The following DLGAP3 variants were observed in gnomAD, a reference collection of about 807,000 sequenced individuals.
DLGAP3 encodes the protein DLG associated protein 3, also known as disks large-associated protein 3.
DLGAP3 carries 17 observed loss-of-function variants against 81.2 expected under a neutral mutation model. The observed-to-expected ratio is 0.21, with a 90% CI of 0.14 to 0.31. The LOEUF (loss-of-function observed/expected upper bound fraction) is 0.31, where lower values mean the gene tolerates loss of function less well. Ranked by LOEUF, DLGAP3 falls within the 10% of genes least tolerant of loss-of-function variation. The pLI is 1.00. For synonymous variants in DLGAP3, 577 were observed against 587.4 expected (o/e 0.98, Z 0.26); for missense variants, 1,124 against 1,388.0 (o/e 0.81, Z 3.02).
At chr1:34,896,049 CAA>C (rs1639376179) in intron 5 of DLGAP3, among the ~76,000 whole-genome samples, 1 of 151,744 alleles carries the variant, frequency 6.6e-6, no homozygotes, top group Admixed American at 6.6e-5. Flanking sequence ...TTGCATTAGA[CAA>C]AGATTTCTTA....
chr1:34,869,088 G>A lies in DLGAP3; in HGVS notation c.2002C>T (p.Arg668Ter). Residue 668 changes from arginine (R) to a stop codon, truncating the protein, a stop_gained and splice_region_variant, in exon 9 of 12, where the codon CGA becomes TGA. Coordinates refer to ENST00000373347, the MANE Select transcript of DLGAP3 (RefSeq NM_001080418.3). LOFTEE classifies it high-confidence loss of function. ...IGVQVEEDKRRARFKRSNSVT... is the reference protein window; with the variant it reads ...IGVQVEEDKR The stretch of plus-strand genomic sequence containing the variant: ...CTATTGGAGCGCTTGAACCTTGCTC[G>A]CCTGGGGAGAGGGGTGGCTGTCATC... 1.3e-6 allele frequency: 2 copies of A among 1,586,974 alleles called. No homozygotes were observed. Among genetic ancestry groups the A allele is most frequent in the Non-Finnish European group, 8.5e-7 (1 of 1,171,372 alleles).
At position 34,885,756 on chromosome 1, in the gene DLGAP3, G is replaced by C. The variant is rs776739964; in HGVS notation, c.1636C>G (p.Pro546Ala). 14 of 1,415,270 alleles carry C rather than the reference G, an allele frequency of 9.9e-6. No individual in the cohort carries two copies. Among genetic ancestry groups the C allele is most frequent in the Non-Finnish European group, 1.2e-5 (13 of 1,093,386 alleles). The allele number at this position is 1,415,270 out of a possible 1,614,324, so 87.7% of individuals were successfully genotyped here. Residue 546 changes from proline to alanine, a missense_variant, in exon 7 of 12, where the codon CCG (proline) becomes GCG (alanine). Around this residue, in one of 9 missense-constraint regions of DLGAP3, gnomAD observed 379 missense variants for 455.7 expected, o/e 0.83. Coordinates refer to ENST00000373347, the MANE Select transcript of DLGAP3 (RefSeq NM_001080418.3). ...NFRKAPPPIPPGSQAPPRISI... is the reference protein window; with the variant it reads ...NFRKAPPPIPAGSQAPPRISI... The stretch of plus-strand genomic sequence containing the variant: ...ATGCGGGGCGGGGCCTGGCTTCCCG[G>C]CGGGATGGGGGGCGGGGCCTTTCTG...
Position 34,868,925 on chromosome 1 carries a change from G to A in DLGAP3, c.2165C>T (p.Ala722Val), listed in dbSNP as rs1480951014. 18 of 1,608,862 alleles carry A rather than the reference G, an allele frequency of 1.1e-5. No homozygotes were observed. Among genetic ancestry groups the A allele is most frequent in the East Asian group, 4.5e-5 (2 of 44,852 alleles). ...CGTGCGGAAGACTGAGTAGGTGGGG[G>A]CCCGGGGCCCAGGCTGGGGCTCAGA... ...HASEPQPGPRAPTYSVFRTVH... is the reference protein window; with the variant it reads ...HASEPQPGPRVPTYSVFRTVH... Residue 722 changes from alanine to valine, a missense_variant, in exon 9 of 12, where the codon GCC becomes GTC. Coordinates refer to ENST00000373347, the MANE Select transcript of DLGAP3 (RefSeq NM_001080418.3). This position sits in a 1 kb window ranked among gnomAD's most constrained non-coding sequence, Gnocchi z 7.5.
At chr1:34,899,801 A>G (rs1350244721) in intron 4 of DLGAP3, 60 bp from the exon 5 acceptor site, 2 of 1,525,992 alleles carry the variant, frequency 1.3e-6, no homozygotes, top group Non-Finnish European at 1.8e-6. Flanking sequence ...GGGGGAGGGG[A>G]GATAATAGCA....
At chr1:34,878,205 G>A (rs1639087493) in intron 8 of DLGAP3, among the ~76,000 whole-genome samples, 1 of 152,148 alleles carries the variant, frequency 6.6e-6, no homozygotes, top group African/African-American at 2.4e-5. Flanking sequence ...TACCCAGGTA[G>A]CTGAGGCAGA....
intron 4 of DLGAP3, 105 bp from the exon 5 acceptor site, chr1:34,899,846 C>T (rs1434492954): frequency 8.8e-7 from 1 of 1,142,354 alleles, no homozygotes; most frequent in Non-Finnish European, 1.3e-6. Flanking sequence ...TCCTCAGAAC[C>T]CCCAAAGAGA....
intron 11 of DLGAP3, 120 bp downstream of exon 11, chr1:34,866,928 G>C: frequency 8.5e-7 from 1 of 1,175,352 alleles, no homozygotes; most frequent in Non-Finnish European, 1.3e-6. Flanking sequence ...CCTGTCCAAG[G>C]CTGCCCTTGC....
chr1:34,896,553 C>T (rs1269512265), intron 5 of DLGAP3, among the ~76,000 whole-genome samples: 1 of 150,376 alleles, frequency 6.6e-6, no homozygotes, highest in African/African-American at 2.4e-5. Context: ...CTAGCCACTG[C>T]ACTCTGGCCT....
Position 34,868,277 on chromosome 1 carries a change from G to A in DLGAP3, c.2485+328C>T, listed in dbSNP as rs1638917454. On this transcript the variant is annotated intron_variant, in intron 9 of 11. Coordinates refer to ENST00000373347, the MANE Select transcript of DLGAP3 (RefSeq NM_001080418.3). The surrounding 1 kb of genome is among the most constrained non-coding windows in gnomAD (Gnocchi z 7.5). Reference sequence around the variant, plus strand: ...CCACCTGGATCCCCACACCAGTCCAGATCTGAACGGAGTTCCCTTAGTCCC... The same window carrying A: ...CCACCTGGATCCCCACACCAGTCCAAATCTGAACGGAGTTCCCTTAGTCCC... 6.6e-6 allele frequency among the ~76,000 whole-genome samples: 1 copy of A among 152,196 alleles called. No homozygotes were observed. Among genetic ancestry groups the A allele is most frequent in the Admixed American group, 6.5e-5 (1 of 15,282 alleles).
At chr1:34,886,020 C>G in intron 6 of DLGAP3, 52 bp downstream of exon 6, 1 of 1,523,770 alleles carries the variant, frequency 6.6e-7, no homozygotes, top group Non-Finnish European at 8.9e-7. Flanking sequence ...GAACCCGGAC[C>G]CAGGGCGCTC....
At position 34,866,254 on chromosome 1, in the gene DLGAP3, GC is replaced by G; in HGVS notation, c.2768del (p.Gly923AlafsTer6). The G allele has an allele frequency of 6.4e-7, 1 of 1,560,598 alleles. No homozygotes were observed. On this transcript the variant is annotated frameshift_variant, in exon 12 of 12. Coordinates refer to ENST00000373347, the MANE Select transcript of DLGAP3 (RefSeq NM_001080418.3). LOFTEE classifies it high-confidence loss of function. Reference sequence around the variant, plus strand: ...AGCGCTCCTTCACCGGCACGCCCCGGCCCCGCAGGGGCTTCTTTGGTATCGG... The same window carrying G: ...AGCGCTCCTTCACCGGCACGCCCCGGCCCGCAGGGGCTTCTTTGGTATCGG... ...PPPIPKKPLR[G>X]RGVPVKERSL...
Position 34,905,028 on chromosome 1 carries a change from G to T in DLGAP3, c.356C>A (p.Pro119His). The change falls in exon 3 of 12, where the codon CCT (proline) becomes CAT (histidine). Residue 119 changes from proline (P) to histidine (H), a missense_variant. This residue lies in a region of DLGAP3 where 167 missense variants were observed against 172.1 expected (regional missense o/e 0.97). Transcript: ENST00000373347. ...CTTTTCAAACTGATCCAGGAGTGTAGGAGGCAGGCGGGGGGCACCCTTGCC... is the reference window on the plus strand; with the variant it reads ...CTTTTCAAACTGATCCAGGAGTGTATGAGGCAGGCGGGGGGCACCCTTGCC... ...PQGKGAPRLPPTLLDQFEKQL... is the reference protein window; with the variant it reads ...PQGKGAPRLPHTLLDQFEKQL... The T allele has an allele frequency of 6.2e-7, 1 of 1,607,708 alleles. No homozygotes were observed. Among genetic ancestry groups the T allele is most frequent in the East Asian group, 2.2e-5 (1 of 44,608 alleles).
chr1:34,883,730 C>A (rs554156237), intron 8 of DLGAP3, among the ~76,000 whole-genome samples: 1 of 150,756 alleles, frequency 6.6e-6, no homozygotes, highest in South Asian at 2.1e-4. Flanking sequence ...CAGGAGCACA[C>A]AGAACTTCAG....
chr1:34,923,059 C>T (rs1639819447), intron 1 of DLGAP3, among the ~76,000 whole-genome samples: 1 of 151,918 alleles, frequency 6.6e-6, no homozygotes, highest in Non-Finnish European at 1.5e-5. Context: ...AGTAGGTGTA[C>T]CTCTTCAAAC....
rs146381996 is a variant in DLGAP3, at chr1:34,923,444, G to A, written c.-135+6007C>T. 4.0e-3 allele frequency among the ~76,000 whole-genome samples: 604 copies of A among 152,262 alleles called. 1 individual carries two copies. The highest frequency in any genetic ancestry group is 6.7e-3 in the Non-Finnish European group (453 of 68,002). On this transcript the variant is annotated intron_variant, in intron 1 of 11. Coordinates refer to ENST00000373347, the MANE Select transcript of DLGAP3 (RefSeq NM_001080418.3). ...ATTTTGAAAGCAGAAGCTGGGAAGG[G>A]AGCAGGGAGGCAAGCTGCAGACACC... is the stretch of plus-strand genomic sequence containing the variant.
At chr1:34,897,273 TAAG>T (rs529172729) in intron 5 of DLGAP3, among the ~76,000 whole-genome samples, 28 of 152,054 alleles carry the variant, frequency 1.8e-4, no homozygotes, top group Admixed American at 7.9e-4. Flanking sequence ...TGCAAAGTGC[TAAG>T]AAGAAGGAGA....
At chr1:34,920,029 G>A (rs1422084850) in intron 1 of DLGAP3, among the ~76,000 whole-genome samples, 2 of 152,308 alleles carry the variant, frequency 1.3e-5, no homozygotes, top group East Asian at 3.9e-4. Context: ...CCAGGCATTA[G>A]AAGCTGCCTA....
intron 1 of DLGAP3, among the ~76,000 whole-genome samples, chr1:34,919,098 G>A (rs1218595809): frequency 6.6e-6 from 1 of 152,194 alleles, no homozygotes; most frequent in Non-Finnish European, 1.5e-5. Context: ...CAGCCCAGGT[G>A]GGAGGGGAGC....
chr1:34,900,014 G>A lies in DLGAP3; in HGVS notation c.1313+54C>T. 1 of 1,491,726 alleles carries A rather than the reference G, an allele frequency of 6.7e-7. No homozygotes were observed. The highest frequency in any genetic ancestry group is 9.2e-7 in the Non-Finnish European group (1 of 1,081,768). The allele number at this position is 1,491,726 out of a possible 1,614,324, so 92.4% of individuals were successfully genotyped here. A position where few individuals can be genotyped will look rare whatever the true frequency, so the allele number is the denominator to read the frequency against. On this transcript the variant is annotated intron_variant, in intron 4 of 11. Coordinates refer to ENST00000373347, the MANE Select transcript of DLGAP3 (RefSeq NM_001080418.3). This position sits in a 1 kb window ranked among gnomAD's most constrained non-coding sequence, Gnocchi z 5.6. ...ACCCACTCTACACACATCTCCCGCA[G>A]GAGTCCAGCATCAGCCTCCTGACCC...
Sources: gnomAD v4.1 joint callset for allele counts (sites outside exome capture counted in the v4.1 genomes callset) on GRCh38, gnomAD v4.1.1 for gene constraint, gnomAD v4.1.1 regional missense constraint, Gnocchi (gnomAD v3.1) non-coding constraint, MANE v1.5 for transcripts, NCBI Gene and HGNC (gene_info 2026-07-23, HGNC 2026-07-21) for gene names.